The following CLVS1 variants were observed in gnomAD, a reference collection of about 807,000 sequenced individuals.
CLVS1 encodes clavesin-1.
Under a neutral mutation model 33.1 loss-of-function variants are expected in CLVS1, and 10 were observed. That is an observed-to-expected ratio of 0.30 (90% CI 0.19 to 0.51). The LOEUF is 0.51. Ranked by LOEUF, CLVS1 falls within the 20% of genes least tolerant of loss-of-function variation. The pLI is 0.97. For synonymous variants in CLVS1, 163 were observed against 166.1 expected, an observed-to-expected ratio of 0.98 and a Z score of 0.14; for missense variants, 343 against 433.4, an observed-to-expected ratio of 0.79 and a Z score of 1.85.
At chr8:61,387,495 A>C (rs1304756752) in intron 3 of CLVS1, among the ~76,000 whole-genome samples, 1 of 70,212 alleles carries the variant, frequency 1.4e-5, no homozygotes, top group Non-Finnish European at 3.8e-5. Context: ...TTTAAATTTC[A>C]ATAGGTTTTT....
intron 2 of CLVS1, among the ~76,000 whole-genome samples, chr8:61,157,113 C>T (rs1806665740): frequency 1.3e-5 from 2 of 152,172 alleles, no homozygotes. Flanking sequence ...GTATAGAAAT[C>T]AGGCCTCAGG....
intron 1 of CLVS1, among the ~76,000 whole-genome samples, chr8:61,291,297 G>A (rs1585755597): frequency 6.6e-6 from 1 of 152,102 alleles, no homozygotes; most frequent in Non-Finnish European, 1.5e-5. Flanking sequence ...GATAATTTCT[G>A]AGCCAGCAGA....
chr8:61,197,881 A>G (rs79904476), intron 2 of CLVS1, among the ~76,000 whole-genome samples: 23 of 152,288 alleles, frequency 1.5e-4, no homozygotes, highest in Admixed American at 5.9e-4. Flanking sequence ...GTAAAGTCCT[A>G]TAGTCACTGT....
At position 61,082,655 on chromosome 8, in the gene CLVS1, G is replaced by A. The variant is rs1436078493; in HGVS notation, c.-243+25425G>A. On this transcript the variant is annotated intron_variant, in intron 1 of 2. Transcript: ENST00000522621. ...AAGAATCACATCATAGTTCTCTTCAGAACCCATGTATGTGAGAGTGGAGTG... is the reference window on the plus strand; with the variant it reads ...AAGAATCACATCATAGTTCTCTTCAAAACCCATGTATGTGAGAGTGGAGTG... Among the ~76,000 whole-genome samples the A allele has an allele frequency of 2.0e-5, 3 of 152,200 alleles. No individual in the cohort carries two copies. The East Asian group carries it at 5.8e-4, about 29-fold the overall frequency.
intron 1 of CLVS1, among the ~76,000 whole-genome samples, chr8:61,121,876 A>T (rs745335366): frequency 6.6e-5 from 10 of 152,222 alleles, no homozygotes; most frequent in Admixed American, 1.3e-4. Context: ...AGCTGCATGA[A>T]TGTGTGAAAA....
intron 1 of CLVS1, among the ~76,000 whole-genome samples, chr8:61,122,040 A>C (rs1292846064): frequency 6.6e-6 from 1 of 152,218 alleles, no homozygotes; most frequent in Non-Finnish European, 1.5e-5. Context: ...CCACCACTGG[A>C]TTTGGTGAAC....
chr8:61,157,523 T>A (rs1178506911), intron 2 of CLVS1, among the ~76,000 whole-genome samples: 1 of 152,042 alleles, frequency 6.6e-6, no homozygotes, highest in Non-Finnish European at 1.5e-5. Context: ...CCCAAACCCA[T>A]AAATTATTAA....
intron 2 of CLVS1, among the ~76,000 whole-genome samples, chr8:61,263,807 T>G (rs879777107): frequency 1.3e-5 from 2 of 152,204 alleles, no homozygotes; most frequent in Non-Finnish European, 2.9e-5. Flanking sequence ...AGGGTTATCA[T>G]TGCCAGTACC....
the CLVS1 span, among the ~76,000 whole-genome samples, chr8:60,999,666 A>T: frequency 1.3e-5 from 2 of 152,254 alleles, no homozygotes; most frequent in African/African-American, 4.8e-5. Context: ...AAAATAGATA[A>T]AAGATGATTA....
chr8:61,191,728 A>G (rs1807486620), intron 2 of CLVS1, among the ~76,000 whole-genome samples: 1 of 152,350 alleles, frequency 6.6e-6, no homozygotes, highest in South Asian at 2.1e-4. Context: ...CTTATACACC[A>G]ATAACAGACA....
chr8:61,334,921 A>T (rs1020183423), intron 2 of CLVS1, among the ~76,000 whole-genome samples: 2 of 152,242 alleles, frequency 1.3e-5, no homozygotes, highest in African/African-American at 4.8e-5. Flanking sequence ...TTATTACTCA[A>T]ATCAGTCTCT....
chr8:61,255,648 G>C (rs938738338), intron 2 of CLVS1, among the ~76,000 whole-genome samples: 3 of 152,104 alleles, frequency 2.0e-5, no homozygotes, highest in Non-Finnish European at 4.4e-5. Context: ...TCTCATGTTT[G>C]GTTCCAAGGC....
chr8:61,419,777 G>C (rs1034932791), intron 3 of CLVS1, among the ~76,000 whole-genome samples: 2 of 152,204 alleles, frequency 1.3e-5, no homozygotes, highest in African/African-American at 4.8e-5. Flanking sequence ...ATAGCGTCCT[G>C]ATTCCAGATG....
In CLVS1 at chr8:61,500,463, T is replaced by C. The variant is rs1804621068; in HGVS notation, c.*921T>C. 6.6e-6 allele frequency: 1 copy of C among 152,186 alleles called. No individual in the cohort carries two copies. The highest frequency in any genetic ancestry group is 2.4e-5 in the African/African-American group (1 of 41,456). 9.4% of individuals were successfully genotyped at this position (152,186 alleles called of 1,614,324 possible). ...AGATGTGGAGAAAGACCATGGTTGT[T>C]GCTGAGAGGGTAAATATTCAATCAT... is the stretch of plus-strand genomic sequence containing the variant. On this transcript the variant is annotated 3_prime_UTR_variant, in exon 6 of 6. Coordinates refer to ENST00000325897, the MANE Select transcript of CLVS1 (RefSeq NM_173519.3).
intron 1 of CLVS1, among the ~76,000 whole-genome samples, chr8:61,066,215 G>T (rs1336254146): frequency 3.9e-5 from 6 of 152,158 alleles, no homozygotes; most frequent in African/African-American, 1.4e-4. Flanking sequence ...AGTGTTAGTG[G>T]CCAGGCATGA....
intron 2 of CLVS1, among the ~76,000 whole-genome samples, chr8:61,171,428 G>A (rs1441835324): frequency 6.6e-6 from 1 of 152,088 alleles, no homozygotes; most frequent in Non-Finnish European, 1.5e-5. Flanking sequence ...ATCTTACCTT[G>A]TAAATCTTGG....
chr8:61,318,097 CG>C (rs1811072872), intron 2 of CLVS1, among the ~76,000 whole-genome samples: 1 of 152,054 alleles, frequency 6.6e-6, no homozygotes, highest in East Asian at 1.9e-4. Context: ...ATTATGTCAG[CG>C]TGTATTTAGT....
chr8:61,489,607 A>G (rs1018483063), intron 5 of CLVS1, among the ~76,000 whole-genome samples: 1 of 152,234 alleles, frequency 6.6e-6, no homozygotes, highest in African/African-American at 2.4e-5. Context: ...GCGACGAAAT[A>G]CTTAGTGCAG....
intron 2 of CLVS1, among the ~76,000 whole-genome samples, chr8:61,137,958 T>G (rs1806220192): frequency 6.6e-6 from 1 of 152,146 alleles, no homozygotes; most frequent in African/African-American, 2.4e-5. Context: ...ATTCATGCAG[T>G]GAACGGGTGG....
Sources: gnomAD v4.1 joint callset for allele counts (sites outside exome capture counted in the v4.1 genomes callset) on GRCh38, gnomAD v4.1.1 for gene constraint, MANE v1.5 for transcripts, NCBI Gene and HGNC (gene_info 2026-07-23, HGNC 2026-07-21) for gene names.